Variants in PPFIA2 observed in about 807,000 individuals in gnomAD.
The protein encoded by PPFIA2 is PPFI scaffold protein A2, also known as liprin-alpha-2.
Under a neutral mutation model 175.5 loss-of-function variants are expected in PPFIA2, and 46 were observed. That is an observed-to-expected ratio of 0.26 (90% CI 0.21 to 0.34). The LOEUF is 0.34. Among genes scored for constraint, PPFIA2 ranks in the 10% least tolerant of loss-of-function variants. PPFIA2 has a pLI of 1.00. For synonymous variants in PPFIA2, 568 were observed against 511.4 expected (o/e 1.11, Z -1.49); for missense variants, 1,179 against 1,506.1 (o/e 0.78, Z 3.60).
intron 4 of PPFIA2, among the ~76,000 whole-genome samples, chr12:81,583,884 T>C (rs1314586876): frequency 2.6e-5 from 4 of 151,950 alleles, no homozygotes; most frequent in Admixed American, 1.3e-4. Flanking sequence ...CCATAAACCA[T>C]GGCTGGTATG....
chr12:81,566,805 T>A (rs557723832), intron 4 of PPFIA2, among the ~76,000 whole-genome samples: 1 of 152,300 alleles, frequency 6.6e-6, no homozygotes, highest in Non-Finnish European at 1.5e-5. Flanking sequence ...ACAAGATACA[T>A]GTGCAACTGA....
At chr12:81,627,080 T>G (rs2062800220) in intron 4 of PPFIA2, among the ~76,000 whole-genome samples, 1 of 152,126 alleles carries the variant, frequency 6.6e-6, no homozygotes, top group Non-Finnish European at 1.5e-5. Flanking sequence ...GTCATTTTGA[T>G]AGTTGAAAGA....
chr12:81,271,440 T>C (rs1459630708), intron 28 of PPFIA2, among the ~76,000 whole-genome samples: 4 of 152,130 alleles, frequency 2.6e-5, no homozygotes, highest in Non-Finnish European at 4.4e-5. Flanking sequence ...CTGGCTAATT[T>C]TGTATTTTTG....
chr12:81,617,909 T>G lies in PPFIA2; in HGVS notation c.303+58882A>C, dbSNP rs1371116443. 2.0e-5 allele frequency among the ~76,000 whole-genome samples: 3 copies of G among 152,166 alleles called. No homozygotes were observed. In the East Asian group the frequency reaches 5.8e-4, roughly 29 times the overall value. On this transcript the variant is annotated intron_variant, in intron 4 of 32. Transcript: ENST00000549396. ...CATGTAAAAAGTAAATGAAACTGTATGTGACAGTGGGGAAAGGAAAATGAG... is the reference window on the plus strand; with the variant it reads ...CATGTAAAAAGTAAATGAAACTGTAGGTGACAGTGGGGAAAGGAAAATGAG...
At chr12:81,456,636 T>C (rs1593267977) in intron 5 of PPFIA2, among the ~76,000 whole-genome samples, 2 of 152,240 alleles carry the variant, frequency 1.3e-5, no homozygotes, top group African/African-American at 2.4e-5. Context: ...CAGTTGTATT[T>C]AAATTGAACT....
intron 28 of PPFIA2, among the ~76,000 whole-genome samples, chr12:81,273,194 C>A (rs1255179649): frequency 6.6e-6 from 1 of 152,116 alleles, no homozygotes; most frequent in Admixed American, 6.5e-5. Context: ...TCTTGGAAGT[C>A]CACAAATGTC....
At chr12:81,417,153 G>C (rs1011488439) in intron 7 of PPFIA2, 1 of 151,394 alleles carries the variant, frequency 6.6e-6, no homozygotes, top group Non-Finnish European at 1.5e-5. Flanking sequence ...ATTTGCTTTC[G>C]GGAATATTTG....
intron 3 of PPFIA2, among the ~76,000 whole-genome samples, chr12:81,715,310 A>T (rs1430540977): frequency 9.9e-5 from 15 of 151,838 alleles, no homozygotes; most frequent in Admixed American, 9.9e-4. Flanking sequence ...GAATTTAATT[A>T]TATCAATAGC....
intron 4 of PPFIA2, among the ~76,000 whole-genome samples, chr12:81,664,650 C>T (rs1435833558): frequency 6.6e-6 from 1 of 152,058 alleles, no homozygotes; most frequent in Non-Finnish European, 1.5e-5. Flanking sequence ...GGATCTAGAA[C>T]TAGAAATACT....
chr12:81,531,582 T>C (rs1030615734), intron 4 of PPFIA2, among the ~76,000 whole-genome samples: 3 of 151,584 alleles, frequency 2.0e-5, no homozygotes, highest in African/African-American at 7.3e-5. Context: ...AGAATGATGA[T>C]AATTAATAAC....
intron 4 of PPFIA2, among the ~76,000 whole-genome samples, chr12:81,664,222 C>T (rs1596171594): frequency 6.6e-6 from 1 of 151,998 alleles, no homozygotes; most frequent in Middle Eastern, 3.2e-3. Flanking sequence ...TTCTGCACAG[C>T]AAAAGAAACT....
rs993946124 is a variant in PPFIA2, at chr12:81,753,981, G to A, written c.241C>T (p.Leu81=). 2.5e-6 allele frequency: 4 copies of A among 1,613,820 alleles called. No homozygotes were observed. The highest frequency in any genetic ancestry group is 3.4e-6 in the Non-Finnish European group (4 of 1,179,832). ...GCTACCAGGAAGCATACCTGTGGCA[G>A]GGCTGAATTGAGCTGTCTCTGGAGT... ...DSLQRQLNSA[L]PQDIESLTGG... Residue 81 remains leucine (L), a synonymous_variant, in exon 3 of 33, where the codon CTG becomes TTG. Coordinates refer to ENST00000549396, the MANE Select transcript of PPFIA2 (RefSeq NM_003625.5).
intron 4 of PPFIA2, among the ~76,000 whole-genome samples, chr12:81,594,681 A>G (rs2153448779): frequency 6.6e-6 from 1 of 152,168 alleles, no homozygotes; most frequent in African/African-American, 2.4e-5. Context: ...TTGGGAGGCC[A>G]GTGTTGGAGG....
intron 4 of PPFIA2, among the ~76,000 whole-genome samples, chr12:81,634,009 T>G (rs2063704767): frequency 6.6e-6 from 1 of 152,098 alleles, no homozygotes; most frequent in Non-Finnish European, 1.5e-5. Flanking sequence ...GTTAAACTGG[T>G]GTTAACTTTG....
At chr12:81,309,460 T>G (rs1239066042) in intron 22 of PPFIA2, among the ~76,000 whole-genome samples, 1 of 152,134 alleles carries the variant, frequency 6.6e-6, no homozygotes, top group Admixed American at 6.5e-5. Flanking sequence ...CTTCATAAAA[T>G]TAAGAGTTTC....
rs367663783 is a variant in PPFIA2 at position 81,313,994 on chromosome 12, C to G, written c.2642+11783G>C. Among the ~76,000 whole-genome samples, 12 of 151,920 alleles carry G rather than the reference C, an allele frequency of 7.9e-5. No homozygotes were observed. In the South Asian group the frequency reaches 2.3e-3, roughly 29 times the overall value. ...AAGATACTGCTCAAAAAGCATTGCA[C>G]AAATTTCTAATATTTTTGTTATCAA... On this transcript the variant is annotated intron_variant, in intron 22 of 32. Coordinates refer to ENST00000549396, the MANE Select transcript of PPFIA2 (RefSeq NM_003625.5).
At chr12:81,711,689 T>C (rs2077946811) in intron 3 of PPFIA2, among the ~76,000 whole-genome samples, 1 of 151,182 alleles carries the variant, frequency 6.6e-6, no homozygotes, top group Non-Finnish European at 1.5e-5. Context: ...TGCCTATTAG[T>C]GCCAACATCA....
At chr12:81,648,962 C>G (rs982320398) in intron 4 of PPFIA2, among the ~76,000 whole-genome samples, 2 of 151,574 alleles carry the variant, frequency 1.3e-5, no homozygotes, top group East Asian at 3.9e-4. Flanking sequence ...ATGCCATACA[C>G]AAAAATTAAT....
At chr12:81,382,729 A>G (rs1358213837) in intron 9 of PPFIA2, among the ~76,000 whole-genome samples, 2 of 152,102 alleles carry the variant, frequency 1.3e-5, no homozygotes, top group East Asian at 1.9e-4. Flanking sequence ...AAATATCAAG[A>G]AAAGAGTCTG....
Sources: allele counts gnomAD v4.1 joint callset (sites outside exome capture counted in the v4.1 genomes callset), GRCh38; gene constraint gnomAD v4.1.1; transcripts MANE v1.5; gene names NCBI Gene and HGNC (gene_info 2026-07-23, HGNC 2026-07-21).